Variants in SORCS1 observed in about 807,000 individuals in gnomAD.
The protein encoded by SORCS1 is VPS10 domain-containing receptor SorCS1.
SORCS1 carries 60 observed loss-of-function variants against 146.1 expected under a neutral mutation model. The observed-to-expected ratio is 0.41, with a 90% CI of 0.33 to 0.51. The LOEUF (loss-of-function observed/expected upper bound fraction) is 0.51, where lower values mean the gene tolerates loss of function less well. Ranked by LOEUF, SORCS1 falls within the 20% of genes least tolerant of loss-of-function variation. The pLI, the probability that SORCS1 is intolerant of heterozygous loss-of-function variation, is 0.21. For missense variants in SORCS1, 1,352 were observed against 1,487.6 expected (o/e 0.91, Z 1.50); for synonymous variants, 637 against 584.0 (o/e 1.09, Z -1.31).
intron 13 of SORCS1, among the ~76,000 whole-genome samples, chr10:106,675,749 G>A (rs113851319): frequency 2.0e-5 from 3 of 152,190 alleles, no homozygotes; most frequent in South Asian, 2.1e-4. Context: ...ATATCTAATC[G>A]CCAATATGAT....
At chr10:106,877,792 G>A (rs1222383977) in intron 2 of SORCS1, among the ~76,000 whole-genome samples, 1 of 152,118 alleles carries the variant, frequency 6.6e-6, no homozygotes, top group East Asian at 1.9e-4. Context: ...TGGTTCTGTG[G>A]TGCAGAGAAG....
chr10:106,901,937 G>A lies in SORCS1; in HGVS notation c.626+54576C>T, dbSNP rs923651719. Among the ~76,000 whole-genome samples, 19 of 152,088 alleles carry A rather than the reference G, an allele frequency of 1.2e-4. No individual in the cohort carries two copies. The East Asian group carries it at 1.9e-3, about 16-fold the overall frequency. On this transcript the variant is annotated intron_variant, in intron 2 of 25. Transcript: ENST00000263054. ...CGGGCACCTGTAGTCCCAGCTACTC[G>A]GGAGGCTGAGGCAGGAGAATGGCAT...
At chr10:106,843,429 C>CTT (rs141378677) in intron 2 of SORCS1, among the ~76,000 whole-genome samples, 66,258 of 116,770 alleles carry the variant, frequency 0.57, 20,528 homozygotes, top group East Asian at 0.68. Context: ...GCAGGATTTC[C>CTT]TTTTTTTTTT....
chr10:106,895,936 T>C (rs1951455931), intron 2 of SORCS1, among the ~76,000 whole-genome samples: 1 of 119,108 alleles, frequency 8.4e-6, no homozygotes, highest in Admixed American at 7.6e-5. Flanking sequence ...CAAACATATA[T>C]ATATGTGTGT....
intron 1 of SORCS1, among the ~76,000 whole-genome samples, chr10:107,051,670 C>T (rs1960137004): frequency 6.6e-6 from 1 of 152,102 alleles, no homozygotes; most frequent in Non-Finnish European, 1.5e-5. Flanking sequence ...TGTTATGATG[C>T]TGCTCTTAAA....
chr10:107,115,108 T>C (rs1422666548), intron 1 of SORCS1, among the ~76,000 whole-genome samples: 1 of 151,940 alleles, frequency 6.6e-6, no homozygotes, highest in Non-Finnish European at 1.5e-5. Context: ...AAAGAAGACA[T>C]AAACTAATAA....
intron 1 of SORCS1, among the ~76,000 whole-genome samples, chr10:107,103,409 C>T (rs1466443803): frequency 6.6e-6 from 1 of 152,204 alleles, no homozygotes; most frequent in East Asian, 1.9e-4. Flanking sequence ...ACTGGAAGTC[C>T]TGCCCATCCC....
At chr10:107,074,428 T>C (rs867678645) in intron 1 of SORCS1, among the ~76,000 whole-genome samples, 3 of 152,224 alleles carry the variant, frequency 2.0e-5, no homozygotes, top group South Asian at 2.1e-4. Flanking sequence ...TGCCACAGTT[T>C]CTTTGTCCAT....
At chr10:106,655,653 G>C (rs1022289114) in intron 17 of SORCS1, among the ~76,000 whole-genome samples, 3 of 152,058 alleles carry the variant, frequency 2.0e-5, no homozygotes, top group African/African-American at 7.2e-5. Context: ...CACAGAAAAG[G>C]CTGTTGGTAA....
intron 2 of SORCS1, among the ~76,000 whole-genome samples, chr10:106,937,528 G>A (rs963021833): frequency 4.6e-5 from 7 of 152,066 alleles, no homozygotes; most frequent in Non-Finnish European, 8.8e-5. Flanking sequence ...TCTCTTGCCT[G>A]CTGCCATATA....
chr10:106,777,782 T>A (rs1253136765), intron 3 of SORCS1, among the ~76,000 whole-genome samples: 1 of 152,190 alleles, frequency 6.6e-6, no homozygotes, highest in Non-Finnish European at 1.5e-5. Context: ...TCTCTGTGGG[T>A]CTTTCATTCA....
At chr10:106,929,599 A>C (rs1953282204) in intron 2 of SORCS1, among the ~76,000 whole-genome samples, 1 of 152,190 alleles carries the variant, frequency 6.6e-6, no homozygotes. Context: ...AAACGCCTAC[A>C]TTGCAGGCTT....
At chr10:106,724,313 T>C (rs546960578) in intron 6 of SORCS1, among the ~76,000 whole-genome samples, 235 of 151,994 alleles carry the variant, frequency 1.5e-3, no homozygotes, top group African/African-American at 5.2e-3. Flanking sequence ...TCAAGACCAG[T>C]CTGACCAACA....
intron 1 of SORCS1, among the ~76,000 whole-genome samples, chr10:107,071,655 T>G (rs1318724584): frequency 6.6e-6 from 1 of 152,210 alleles, no homozygotes; most frequent in South Asian, 2.1e-4. Flanking sequence ...AGAACTGTAC[T>G]TATGAAAGCA....
At chr10:107,135,402 G>T (rs1028732936) in intron 1 of SORCS1, among the ~76,000 whole-genome samples, 1 of 152,168 alleles carries the variant, frequency 6.6e-6, no homozygotes, top group Non-Finnish European at 1.5e-5. Context: ...CATTAAAGAG[G>T]CAAAAGTATC....
intron 1 of SORCS1, among the ~76,000 whole-genome samples, chr10:106,979,949 A>G (rs1167169407): frequency 1.3e-5 from 2 of 152,228 alleles, no homozygotes; most frequent in African/African-American, 4.8e-5. Flanking sequence ...GCCCAGCCAC[A>G]TGGTAGTCCT....
chr10:107,080,865 G>T (rs1163623049), intron 1 of SORCS1, among the ~76,000 whole-genome samples: 1 of 152,152 alleles, frequency 6.6e-6, no homozygotes, highest in Non-Finnish European at 1.5e-5. Flanking sequence ...TGTTACCAGA[G>T]TGTCAGTCCT....
At chr10:106,831,725 C>A (rs1337255496) in intron 2 of SORCS1, among the ~76,000 whole-genome samples, 4 of 150,670 alleles carry the variant, frequency 2.7e-5, no homozygotes, top group Non-Finnish European at 4.4e-5. Flanking sequence ...CAAGATATTT[C>A]TTCCTAAAAT....
rs1853915507 is a variant in SORCS1 at position 106,698,920 on chromosome 10, A to G, written c.1413+294T>C. ...AACTATGTCCAAACATCACAAGCAG[A>G]CCACTCTCATCAAACCCTGTAATTG... is the stretch of plus-strand genomic sequence containing the variant. On this transcript the variant is annotated intron_variant, in intron 9 of 25. Coordinates refer to ENST00000263054, the MANE Select transcript of SORCS1 (RefSeq NM_052918.5). 1.3e-5 allele frequency among the ~76,000 whole-genome samples: 2 copies of G among 152,004 alleles called. 1 individual carries two copies. The highest frequency in any genetic ancestry group is 2.9e-5 in the Non-Finnish European group (2 of 68,008).
Sources: allele counts gnomAD v4.1 joint callset (sites outside exome capture counted in the v4.1 genomes callset), GRCh38; gene constraint gnomAD v4.1.1; transcripts MANE v1.5; gene names NCBI Gene and HGNC (gene_info 2026-07-23, HGNC 2026-07-21).